Variants in MDM1 observed in about 807,000 individuals in gnomAD.
The protein encoded by MDM1 is stabilizer of axonemal microtubules 6.
In MDM1, 61 loss-of-function variants were observed where a neutral mutation model predicts 89.1. The observed-to-expected ratio is 0.68, with a 90% CI of 0.56 to 0.85. MDM1 has a LOEUF of 0.85. Ranked by LOEUF, MDM1 falls within the 40% of genes least tolerant of loss-of-function variation. The pLI, the probability that MDM1 is intolerant of heterozygous loss-of-function variation, is 0.00. For missense variants in MDM1, 820 were observed against 846.5 expected, an observed-to-expected ratio of 0.97 and a Z score of 0.39; for synonymous variants, 290 against 294.1, an observed-to-expected ratio of 0.99 and a Z score of 0.14.
At chr12:68,318,001 A>C (rs1006206158) in intron 7 of MDM1, among the ~76,000 whole-genome samples, 1 of 152,114 alleles carries the variant, frequency 6.6e-6, no homozygotes, top group South Asian at 2.1e-4. Context: ...CTCCTCCATC[A>C]ACCTATGAAC....
intron 13 of MDM1, among the ~76,000 whole-genome samples, chr12:68,299,122 T>A (rs560818637): frequency 2.6e-5 from 4 of 151,088 alleles, no homozygotes; most frequent in Non-Finnish European, 5.9e-5. Flanking sequence ...GGGAAAAAAA[T>A]TTTAAAAAAA....
Position 68,323,222 on chromosome 12 carries a change from G to T in MDM1, c.652C>A (p.Gln218Lys). The T allele has an allele frequency of 6.4e-7, 1 of 1,567,214 alleles. No individual in the cohort carries two copies. The highest frequency in any genetic ancestry group is 1.4e-5 in the African/African-American group (1 of 71,722). ...AANQVFHNKS[Q>K]FVPPFKGNSV... ...TTACCTTTGAATGGTGGAACAAACT[G>T]GCTTTTATTGTGGAAAACCTTAAAA... Residue 218 changes from glutamine to lysine, a missense_variant, in exon 5 of 15, where the codon CAG (glutamine) becomes AAG (lysine). By Grantham distance (53) the Gln-to-Lys change is moderately conservative. Coordinates refer to ENST00000682720, the MANE Select transcript of MDM1 (RefSeq NM_001354969.2).
chr12:68,321,101 A>G (rs544538215), intron 7 of MDM1: 1 of 360,976 alleles, frequency 2.8e-6, no homozygotes, highest in East Asian at 4.4e-5. Context: ...ACACAATCAA[A>G]TGTTTGATGG....
At chr12:68,303,044 T>C (rs1356341500) in intron 12 of MDM1, among the ~76,000 whole-genome samples, 172 bp from the exon 13 acceptor site, 2 of 152,112 alleles carry the variant, frequency 1.3e-5, no homozygotes, top group African/African-American at 2.4e-5. Context: ...GACCTGGCTA[T>C]ATAAACAAAA....
chr12:68,323,661 C>T (rs1256951232), intron 4 of MDM1, among the ~76,000 whole-genome samples: 1 of 151,994 alleles, frequency 6.6e-6, no homozygotes, highest in East Asian at 1.9e-4. Context: ...TTATTTTCAG[C>T]GTATTTTATT....
At position 68,332,209 on chromosome 12, in the gene MDM1, C is replaced by A; in HGVS notation, c.18+19G>T. 3 of 1,555,154 alleles carry A rather than the reference C, an allele frequency of 1.9e-6. No individual in the cohort carries two copies. In the South Asian group the frequency reaches 3.6e-5, roughly 18 times the overall value. On this transcript the variant is annotated intron_variant, in intron 1 of 14. Transcript: ENST00000682720. ...TGGCTCCCCCCAGCCACATTCCGGCCCGGGGACCCCAGCCTCACCTTGAAG... is the reference window on the plus strand; with the variant it reads ...TGGCTCCCCCCAGCCACATTCCGGCACGGGGACCCCAGCCTCACCTTGAAG...
intron 13 of MDM1, among the ~76,000 whole-genome samples, chr12:68,301,863 A>AT (rs1872210933): frequency 1.3e-5 from 2 of 151,996 alleles, no homozygotes; most frequent in South Asian, 4.1e-4. Context: ...TTTGTAACAG[A>AT]GACAGGGTTT....
chr12:68,313,996 G>C (rs1364054445), intron 10 of MDM1, among the ~76,000 whole-genome samples: 3 of 152,048 alleles, frequency 2.0e-5, no homozygotes, highest in Admixed American at 6.6e-5. Context: ...AATTAGCTGG[G>C]TGTGGTGGCG....
chr12:68,332,319 C>G lies in MDM1; in HGVS notation c.-74G>C. The G allele has an allele frequency of 6.7e-7, 1 of 1,486,534 alleles. No homozygotes were observed. Among genetic ancestry groups the G allele is most frequent in the African/African-American group, 1.4e-5 (1 of 71,022 alleles). The allele number at this position is 1,486,534 out of a possible 1,614,324, so 92.1% of individuals were successfully genotyped here. ...AAGCTCCGAGGGGGCGGGGCGATAACAGTGTTCCCTAGCAAAGCCTCGGCC... is the reference window on the plus strand; with the variant it reads ...AAGCTCCGAGGGGGCGGGGCGATAAGAGTGTTCCCTAGCAAAGCCTCGGCC... On this transcript the variant is annotated 5_prime_UTR_variant, in exon 1 of 15. Coordinates refer to ENST00000682720, the MANE Select transcript of MDM1 (RefSeq NM_001354969.2).
At chr12:68,315,482 T>G (rs1874367245) in intron 9 of MDM1, among the ~76,000 whole-genome samples, 1 of 152,208 alleles carries the variant, frequency 6.6e-6, no homozygotes, top group South Asian at 2.1e-4. Flanking sequence ...TATTCCAAAA[T>G]GTATTTATCT....
Position 68,321,588 on chromosome 12 carries a change from A to C in MDM1, c.842T>G (p.Met281Arg). The C allele has an allele frequency of 6.2e-7, 1 of 1,612,628 alleles. No homozygotes were observed. Among genetic ancestry groups the C allele is most frequent in the Non-Finnish European group, 8.5e-7 (1 of 1,179,646 alleles). Residue 281 changes from methionine to arginine, a missense_variant, in exon 6 of 15, where the codon ATG becomes AGG. Physicochemically the swap from Met to Arg is moderately conservative, Grantham distance 91. Transcript: ENST00000682720. ...IDDRLKLEAE[M>R]ELKDLHQPKR... is the part of the protein sequence containing the mutation. ...AGGCTGGTGTAAGTCTTTTAATTCC[A>C]TCTCTGCTTCCAATTTTAAACGATC... is the stretch of plus-strand genomic sequence containing the variant.
chr12:68,297,100 C>A, intron 13 of MDM1, 118 bp from the exon 14 acceptor site: 2 of 527,086 alleles, frequency 3.8e-6, no homozygotes, highest in South Asian at 4.1e-5. Flanking sequence ...ATTATCAAAC[C>A]TACATGTGAG....
At chr12:68,320,184 CA>C (rs1288421975) in intron 7 of MDM1, among the ~76,000 whole-genome samples, 1 of 152,198 alleles carries the variant, frequency 6.6e-6, no homozygotes, top group Admixed American at 6.5e-5. Context: ...AGATCTTTGC[CA>C]AGACTTGGGA....
intron 10 of MDM1, among the ~76,000 whole-genome samples, chr12:68,314,565 T>TA (rs1220793409): frequency 6.6e-6 from 1 of 152,240 alleles, no homozygotes; most frequent in Non-Finnish European, 1.5e-5. Context: ...AATCACTTTT[T>TA]AAAAAATATT....
chr12:68,319,624 TA>T (rs1333743138), intron 7 of MDM1, among the ~76,000 whole-genome samples: 3 of 152,204 alleles, frequency 2.0e-5, no homozygotes, highest in Non-Finnish European at 4.4e-5. Context: ...CCTGGTCAAC[TA>T]AAACTGTTAT....
intron 13 of MDM1, among the ~76,000 whole-genome samples, chr12:68,299,745 A>G (rs891149400): frequency 1.3e-5 from 2 of 152,226 alleles, no homozygotes; most frequent in African/African-American, 4.8e-5. Context: ...AAAGGCTAAA[A>G]GTTTGGAAAA....
Position 68,332,302 on chromosome 12 carries a change from AG to A in MDM1, c.-58del. The A allele has an allele frequency of 2.0e-6, 3 of 1,536,106 alleles. No homozygotes were observed. Among genetic ancestry groups the A allele is most frequent in the African/African-American group, 1.4e-5 (1 of 72,512 alleles). ...ACAGTTAACTGGAGAAAAAGCTCCG[AG>A]GGGGCGGGGCGATAACAGTGTTCCC... On this transcript the variant is annotated 5_prime_UTR_variant, in exon 1 of 15. Coordinates refer to ENST00000682720, the MANE Select transcript of MDM1 (RefSeq NM_001354969.2).
Position 68,325,466 on chromosome 12 carries a change from G to T in MDM1, c.608C>A (p.Thr203Asn), listed in dbSNP as rs752664101. 4.4e-6 allele frequency: 7 copies of T among 1,585,622 alleles called. No individual in the cohort carries two copies. In the Admixed American group the frequency reaches 7.2e-5, roughly 16 times the overall value. The change falls in exon 4 of 15, where the codon ACT becomes AAT. Residue 203 changes from threonine to asparagine, a missense_variant. Physicochemically the swap from Thr to Asn is moderately conservative, Grantham distance 65. Transcript: ENST00000682720. ...CTGATTGGCTGCAAAAGCTGGAGCAGTTTCTTTAGAAGTCTTCCAAACAAA... is the reference window on the plus strand; with the variant it reads ...CTGATTGGCTGCAAAAGCTGGAGCATTTTCTTTAGAAGTCTTCCAAACAAA... ...RQFVWKTSKE[T>N]APAFAANQVF...
chr12:68,307,005 C>A (rs944132681), intron 12 of MDM1, among the ~76,000 whole-genome samples: 3 of 152,112 alleles, frequency 2.0e-5, no homozygotes, highest in Non-Finnish European at 2.9e-5. Flanking sequence ...TAGAATACTG[C>A]GCAGCCATAA....
Sources: gnomAD v4.1 joint callset for allele counts (sites outside exome capture counted in the v4.1 genomes callset) on GRCh38, gnomAD v4.1.1 for gene constraint, MANE v1.5 for transcripts, NCBI Gene and HGNC (gene_info 2026-07-23, HGNC 2026-07-21) for gene names.